The following YEATS2 variants were observed in gnomAD, a reference collection of about 807,000 sequenced individuals.
The protein encoded by YEATS2 is YEATS domain-containing protein 2.
A neutral mutation model predicts 163.2 loss-of-function variants in YEATS2; 77 were observed. The observed-to-expected ratio is 0.47, with a 90% CI of 0.39 to 0.57. The LOEUF (loss-of-function observed/expected upper bound fraction) is 0.57. Ranked by LOEUF, YEATS2 falls within the 20% of genes least tolerant of loss-of-function variation. YEATS2 has a pLI of 0.00. For missense variants in YEATS2, 1,549 were observed against 1,729.8 expected, an observed-to-expected ratio of 0.90 and a Z score of 1.85; for synonymous variants, 631 against 645.1, an observed-to-expected ratio of 0.98 and a Z score of 0.33.
Position 183,810,573 on chromosome 3 carries a change from A to G in YEATS2, c.4259A>G (p.Glu1420Gly). 1 of 1,613,934 alleles carries G rather than the reference A, an allele frequency of 6.2e-7. No homozygotes were observed. The highest frequency in any genetic ancestry group is 8.5e-7 in the Non-Finnish European group (1 of 1,179,842). The stretch of plus-strand genomic sequence containing the variant: ...AACAAACACATGGGAATATTGAATG[A>G]GGACCAGTGAGCGGAGTGAGGTGCC... ...LTNKHMGILN[E>G]DQ The change falls in exon 31 of 31, where the codon GAG (glutamate) becomes GGG (glycine). Residue 1420 changes from glutamate (E) to glycine (G), a missense_variant. Transcript: ENST00000305135.
At chr3:183,784,812 G>T (rs1026257098) in intron 19 of YEATS2, among the ~76,000 whole-genome samples, 1 of 148,774 alleles carries the variant, frequency 6.7e-6, no homozygotes, top group Non-Finnish European at 1.5e-5. Context: ...GGTGGGTCAC[G>T]CCTGTAATTC....
In YEATS2 at chr3:183,777,647, G is replaced by C; in HGVS notation, c.2683G>C (p.Gly895Arg). 6.2e-7 allele frequency: 1 copy of C among 1,614,042 alleles called. No individual in the cohort carries two copies. The highest frequency in any genetic ancestry group is 2.2e-5 in the East Asian group (1 of 44,874). The change falls in exon 19 of 31, where the codon GGA becomes CGA. Residue 895 changes from glycine (G) to arginine (R), a missense_variant. Gly to Arg is a moderately radical substitution (Grantham distance 125, BLOSUM62 -2). Transcript: ENST00000305135. ...TLGVSTSSAQGQQTLKVISGQ... is the reference protein window; with the variant it reads ...TLGVSTSSAQRQQTLKVISGQ... ...GGGAGTCAGCACATCTTCTGCACAA[G>C]GACAACAAACGCTAAAAGTCATCTC...
rs572792336 is a variant in YEATS2, at chr3:183,761,639, C to G, written c.1764+25C>G. The G allele has an allele frequency of 1.3e-4, 215 of 1,596,644 alleles. 1 individual carries two copies. In the South Asian group the frequency reaches 2.3e-3, roughly 17 times the overall value. On this transcript the variant is annotated intron_variant, in intron 14 of 30. Transcript: ENST00000305135. Reference sequence around the variant, plus strand: ...AGTGAGTATGTATTAGGGCATTGTCCCACAAGTCATAATACTTTTTGTGGC... The same window carrying G: ...AGTGAGTATGTATTAGGGCATTGTCGCACAAGTCATAATACTTTTTGTGGC...
At position 183,810,963 on chromosome 3, in the gene YEATS2, G is replaced by T. The variant is rs531112939; in HGVS notation, c.*380G>T. 15 of 205,932 alleles carry T rather than the reference G, an allele frequency of 7.3e-5. No individual in the cohort carries two copies. Among genetic ancestry groups the T allele is most frequent in the Admixed American group, 7.0e-4 (13 of 18,456 alleles). 12.8% of individuals were successfully genotyped at this position (205,932 alleles called of 1,614,324 possible). On this transcript the variant is annotated 3_prime_UTR_variant, in exon 31 of 31. Coordinates refer to ENST00000305135, the MANE Select transcript of YEATS2 (RefSeq NM_018023.5). The stretch of plus-strand genomic sequence containing the variant: ...GGTAGAAAATGAGTGGCAGGCTAGA[G>T]ATTTCACCCATTTTGTGGGCTGGAG...
chr3:183,771,542 CCTTTTTTTT>C (rs1226481280), intron 15 of YEATS2, among the ~76,000 whole-genome samples: 2 of 60,812 alleles, frequency 3.3e-5, no homozygotes, highest in East Asian at 6.4e-4. Flanking sequence ...ATTATTCTTG[CCTTTTTTTT>C]TTTTTTTTTT....
chr3:183,722,151 G>T lies in YEATS2; in HGVS notation c.537+15G>T. 2.5e-6 allele frequency: 4 copies of T among 1,606,544 alleles called. No homozygotes were observed. Among genetic ancestry groups the T allele is most frequent in the Non-Finnish European group, 3.4e-6 (4 of 1,176,442 alleles). On this transcript the variant is annotated intron_variant, in intron 5 of 30. Transcript: ENST00000305135. Reference sequence around the variant, plus strand: ...ATACTGGAAGGGTATATAGATGGGTGGATGTGGGAGGGAGCCACAGGAGAA... The same window carrying T: ...ATACTGGAAGGGTATATAGATGGGTTGATGTGGGAGGGAGCCACAGGAGAA...
At chr3:183,698,809 C>T (rs893890629) in intron 1 of YEATS2, among the ~76,000 whole-genome samples, 1 of 152,004 alleles carries the variant, frequency 6.6e-6, no homozygotes, top group East Asian at 1.9e-4. Flanking sequence ...ATATCATTTC[C>T]CCTTTCTTAA....
chr3:183,738,391 CTTTTTTTT>C (rs1173865612), intron 8 of YEATS2, among the ~76,000 whole-genome samples: 30 of 74,040 alleles, frequency 4.1e-4, no homozygotes, highest in Middle Eastern at 9.8e-3. Context: ...AGGAAAAGTT[CTTTTTTTT>C]TTTTTTTTTT....
intron 24 of YEATS2, 40 bp from the exon 25 acceptor site, chr3:183,801,414 GT>G: frequency 6.9e-7 from 1 of 1,457,706 alleles, no homozygotes. Flanking sequence ...ACTGCTACAT[GT>G]ATTTAATTTA....
At chr3:183,736,392 A>G (rs749474693) in intron 7 of YEATS2, among the ~76,000 whole-genome samples, 7 of 152,208 alleles carry the variant, frequency 4.6e-5, no homozygotes, top group African/African-American at 7.2e-5. Flanking sequence ...GTCAAATGCC[A>G]ATTAAAGATC....
chr3:183,718,569 G>C lies in YEATS2; in HGVS notation c.268G>C (p.Ala90Pro). ...ACIVANYYAS[A>P]GLLKVSEGSK... ...CATTGTAGCAAACTACTATGCTTCT[G>C]CAGGTCTTCTAAAAGTTTCTGAGGT... The change falls in exon 4 of 31, where the codon GCA becomes CCA. Residue 90 changes from alanine (A) to proline (P), a missense_variant. Physicochemically the swap from Ala to Pro is conservative, Grantham distance 27. Coordinates refer to ENST00000305135, the MANE Select transcript of YEATS2 (RefSeq NM_018023.5). The C allele has an allele frequency of 6.2e-7, 1 of 1,612,726 alleles. No individual in the cohort carries two copies. The highest frequency in any genetic ancestry group is 8.5e-7 in the Non-Finnish European group (1 of 1,179,528).
chr3:183,730,888 A>G (rs957875501), intron 7 of YEATS2, among the ~76,000 whole-genome samples: 51 of 152,312 alleles, frequency 3.3e-4, no homozygotes, highest in African/African-American at 1.2e-3. Flanking sequence ...AGGAGAGAAT[A>G]TACGTATATA....
intron 2 of YEATS2, among the ~76,000 whole-genome samples, chr3:183,716,039 A>G (rs1027434996): frequency 2.0e-5 from 3 of 151,874 alleles, no homozygotes; most frequent in South Asian, 2.1e-4. Flanking sequence ...GGCTCACTGC[A>G]AGCTCTGCTT....
intron 1 of YEATS2, among the ~76,000 whole-genome samples, chr3:183,712,208 T>TG (rs1441382415): frequency 1.1e-4 from 16 of 147,642 alleles, no homozygotes; most frequent in African/African-American, 3.9e-4. Flanking sequence ...TTTTATTTTA[T>TG]TTTATTTTAT....
chr3:183,756,897 C>A (rs1255820301), intron 12 of YEATS2, among the ~76,000 whole-genome samples: 1 of 152,156 alleles, frequency 6.6e-6, no homozygotes, highest in East Asian at 1.9e-4. Flanking sequence ...CTTGAGTTTT[C>A]TTTTAATTTC....
intron 16 of YEATS2, 97 bp from the exon 17 acceptor site, chr3:183,773,536 T>C: frequency 8.5e-7 from 1 of 1,180,164 alleles, no homozygotes; most frequent in South Asian, 1.6e-5. Flanking sequence ...TGCTTGTTAG[T>C]GTTCTAAAAT....
At chr3:183,763,875 C>T (rs1327062454) in intron 15 of YEATS2, among the ~76,000 whole-genome samples, 3 of 152,076 alleles carry the variant, frequency 2.0e-5, no homozygotes, top group Admixed American at 1.3e-4. Flanking sequence ...TGAGACCAGC[C>T]TGTCCGACGT....
At chr3:183,729,287 G>C (rs865881831) in intron 7 of YEATS2, among the ~76,000 whole-genome samples, 115 of 149,716 alleles carry the variant, frequency 7.7e-4, no homozygotes, top group African/African-American at 2.7e-3. Flanking sequence ...AAAAAAAAAA[G>C]GTAGTTGTAG....
rs897139781 is a variant in YEATS2 at position 183,736,095 on chromosome 3, C to T, written c.813-623C>T. Among the ~76,000 whole-genome samples the T allele has an allele frequency of 3.3e-5, 5 of 152,160 alleles. No homozygotes were observed. In the South Asian group the frequency reaches 6.2e-4, roughly 19 times the overall value. On this transcript the variant is annotated intron_variant, in intron 7 of 30. Transcript: ENST00000305135. ...TTATTAACAATTTGCTCTTTTCCAT[C>T]AATTCCCGCCCCTCCTTTTTTCTTC...
Sources: allele counts gnomAD v4.1 joint callset (sites outside exome capture counted in the v4.1 genomes callset), GRCh38; gene constraint gnomAD v4.1.1; transcripts MANE v1.5; gene names NCBI Gene and HGNC (gene_info 2026-07-23, HGNC 2026-07-21).